RALGPS1: variants seen among roughly 807,000 people sequenced by gnomAD.
RALGPS1 encodes Ral GEF with PH domain and SH3 binding motif 1, also known as ras-specific guanine nucleotide-releasing factor RalGPS1.
A neutral mutation model predicts 78.8 loss-of-function variants in RALGPS1; 19 were observed. The ratio of observed to expected loss-of-function variants is 0.24; its 90% CI spans 0.17 to 0.35. The LOEUF is 0.35. RALGPS1 is among the 10% of genes least tolerant of loss of function. RALGPS1 has a pLI of 1.00. For missense variants in RALGPS1, 454 were observed against 688.3 expected (o/e 0.66, Z 3.81); for synonymous variants, 228 against 256.3 (o/e 0.89, Z 1.06).
chr9:126,978,307 C>CAAAAAA (rs56411548), intron 4 of RALGPS1: 1 of 136,422 alleles, frequency 7.3e-6, no homozygotes, highest in Non-Finnish European at 1.5e-5. Flanking sequence ...TAGTGAGTGT[C>CAAAAAA]AAAAAAAAAA....
intron 14 of RALGPS1, among the ~76,000 whole-genome samples, chr9:127,207,982 C>T (rs1664255748): frequency 6.6e-6 from 1 of 152,212 alleles, no homozygotes; most frequent in Admixed American, 6.5e-5. Context: ...AATGACAGGC[C>T]AGCAGGGTGG....
chr9:127,133,018 G>A (rs549677056), intron 8 of RALGPS1, among the ~76,000 whole-genome samples: 9 of 152,342 alleles, frequency 5.9e-5, no homozygotes, highest in African/African-American at 2.2e-4. Context: ...GTCCTCATCT[G>A]CAAAGCAGGG....
At chr9:127,001,182 G>T (rs1185874328) in intron 4 of RALGPS1, among the ~76,000 whole-genome samples, 1 of 151,720 alleles carries the variant, frequency 6.6e-6, no homozygotes, top group East Asian at 1.9e-4. Context: ...CAGCTATTAG[G>T]AGGCTGAGGT....
intron 4 of RALGPS1, among the ~76,000 whole-genome samples, chr9:126,978,770 T>C (rs768356858): frequency 6.6e-6 from 1 of 152,168 alleles, no homozygotes; most frequent in Non-Finnish European, 1.5e-5. Context: ...TCTCCTGCTT[T>C]CTTGTCTGAT....
chr9:127,130,929 T>C (rs991424232), intron 8 of RALGPS1, among the ~76,000 whole-genome samples: 2 of 152,260 alleles, frequency 1.3e-5, no homozygotes, highest in Admixed American at 1.3e-4. Flanking sequence ...ACAATTGAAT[T>C]GGCTAGAAAG....
At chr9:127,081,777 C>T (rs1359481314) in intron 8 of RALGPS1, among the ~76,000 whole-genome samples, 1 of 152,220 alleles carries the variant, frequency 6.6e-6, no homozygotes, top group African/African-American at 2.4e-5. Flanking sequence ...CATTCCTTGA[C>T]CAGCCCTTGG....
chr9:126,927,281 G>T lies in RALGPS1; in HGVS notation c.-66+12306G>T, dbSNP rs7849099. ...GAAGGCTGTGTGGTAGTGGATGAGA[G>T]TCCCGGCTGAATTGCTGGGGAGCGT... On this transcript the variant is annotated intron_variant, in intron 1 of 18. Coordinates refer to ENST00000259351, the MANE Select transcript of RALGPS1 (RefSeq NM_014636.3). Among the ~76,000 whole-genome samples the T allele has an allele frequency of 6.0e-3, 920 of 152,226 alleles. 6 individuals are homozygous for T. The highest frequency in any genetic ancestry group is 0.021 in the African/African-American group (880 of 41,510).
Position 127,183,538 on chromosome 9 carries a change from C to A in RALGPS1, c.910+8756C>A, listed in dbSNP as rs150874924. On this transcript the variant is annotated intron_variant, in intron 11 of 18. Transcript: ENST00000259351. This position sits in a 1 kb window ranked among gnomAD's most constrained non-coding sequence, Gnocchi z 4.0. ...GCACAACAGACCTGCCTGTGGCCAC[C>A]GCTGTCTTCTGGCACAGCCGTTTGG... 2.6e-3 allele frequency among the ~76,000 whole-genome samples: 390 copies of A among 152,264 alleles called. 2 individuals carry two copies. Among genetic ancestry groups the A allele is most frequent in the Non-Finnish European group, 4.0e-3 (272 of 68,026 alleles).
chr9:127,180,662 G>A (rs561508071), intron 11 of RALGPS1, among the ~76,000 whole-genome samples: 7 of 152,242 alleles, frequency 4.6e-5, no homozygotes, highest in African/African-American at 1.4e-4. Context: ...TCCAGACATC[G>A]GGGAGTTGGT....
At chr9:127,190,478 C>T (rs567039969) in intron 11 of RALGPS1, among the ~76,000 whole-genome samples, 13 of 152,230 alleles carry the variant, frequency 8.5e-5, no homozygotes, top group Admixed American at 3.3e-4. Context: ...TGCACACCAC[C>T]GTACTGGACT....
chr9:127,134,380 C>T (rs2057250127), intron 8 of RALGPS1, among the ~76,000 whole-genome samples: 1 of 152,228 alleles, frequency 6.6e-6, no homozygotes, highest in Non-Finnish European at 1.5e-5. Context: ...CTGGGAGCAG[C>T]CTGGAGGACA....
chr9:126,947,830 G>A (rs1403557048), intron 1 of RALGPS1, among the ~76,000 whole-genome samples: 1 of 152,206 alleles, frequency 6.6e-6, no homozygotes, highest in African/African-American at 2.4e-5. Context: ...ATAGAATGAA[G>A]GGTGGGTGCT....
chr9:127,137,121 C>T (rs2138491046), intron 8 of RALGPS1, among the ~76,000 whole-genome samples: 1 of 152,284 alleles, frequency 6.6e-6, no homozygotes, highest in South Asian at 2.1e-4. Context: ...AGATAATGGC[C>T]TGTTTGACAA....
chr9:127,064,826 A>G (rs2049535457), intron 7 of RALGPS1, among the ~76,000 whole-genome samples: 1 of 152,240 alleles, frequency 6.6e-6, no homozygotes, highest in Non-Finnish European at 1.5e-5. Context: ...AACTATGAAT[A>G]ACATGTCCTT....
intron 8 of RALGPS1, among the ~76,000 whole-genome samples, chr9:127,162,984 C>T (rs1378827346): frequency 1.3e-5 from 2 of 152,154 alleles, no homozygotes; most frequent in Admixed American, 1.3e-4. Flanking sequence ...TCTCCTCCTA[C>T]TTTCCAGGGT....
intron 4 of RALGPS1, among the ~76,000 whole-genome samples, chr9:127,007,525 G>T (rs1471210144): frequency 6.6e-6 from 1 of 152,198 alleles, no homozygotes; most frequent in African/African-American, 2.4e-5. Flanking sequence ...ATCCAGCTTT[G>T]TCTGGTGTAT....
rs138293690 is a variant in RALGPS1, at chr9:127,144,253, T to C, written c.611-21816T>C. Among the ~76,000 whole-genome samples the C allele has an allele frequency of 5.1e-3, 772 of 152,290 alleles. 6 individuals carry two copies. The highest frequency in any genetic ancestry group is 8.8e-3 in the Non-Finnish European group (602 of 68,024). ...TGACCGCTGGATCCCCACCCAGCATTAGCTCCTGGACCCGTAGTACCCCAG... is the reference window on the plus strand; with the variant it reads ...TGACCGCTGGATCCCCACCCAGCATCAGCTCCTGGACCCGTAGTACCCCAG... On this transcript the variant is annotated intron_variant, in intron 8 of 18. Coordinates refer to ENST00000259351, the MANE Select transcript of RALGPS1 (RefSeq NM_014636.3).
intron 8 of RALGPS1, among the ~76,000 whole-genome samples, chr9:127,095,415 A>G (rs908322449): frequency 6.6e-6 from 1 of 152,222 alleles, no homozygotes; most frequent in African/African-American, 2.4e-5. Flanking sequence ...AAAAATAAAT[A>G]AATAAAAATC....
At chr9:127,156,975 G>A (rs1158577170) in intron 8 of RALGPS1, among the ~76,000 whole-genome samples, 1 of 151,932 alleles carries the variant, frequency 6.6e-6, no homozygotes, top group Non-Finnish European at 1.5e-5. Context: ...TTTATTGAAG[G>A]ATTGTTCCTT....
Sources: gnomAD v4.1 joint callset for allele counts (sites outside exome capture counted in the v4.1 genomes callset) on GRCh38, gnomAD v4.1.1 for gene constraint, Gnocchi (gnomAD v3.1) non-coding constraint, MANE v1.5 for transcripts, NCBI Gene and HGNC (gene_info 2026-07-23, HGNC 2026-07-21) for gene names.